The following CAST variants were observed in gnomAD, a reference collection of about 807,000 sequenced individuals.
CAST encodes calpastatin.
In CAST, 76 loss-of-function variants were observed where a neutral mutation model predicts 119.6. That is an observed-to-expected ratio of 0.64 (90% CI 0.53 to 0.77). CAST has a LOEUF of 0.77. Among genes scored for constraint, CAST ranks in the 30% least tolerant of loss-of-function variants. The pLI, the probability that CAST is intolerant of heterozygous loss-of-function variation, is 0.00. For synonymous variants in CAST, 319 were observed against 331.6 expected (o/e 0.96, Z 0.41); for missense variants, 953 against 946.5 (o/e 1.01, Z -0.09).
intron 1 of CAST, among the ~76,000 whole-genome samples, chr5:96,577,790 A>C (rs537717745): frequency 3.3e-5 from 5 of 152,166 alleles, no homozygotes; most frequent in Admixed American, 6.5e-5. Flanking sequence ...ATGGTCCAGC[A>C]TACAGTTTGT....
At chr5:96,131,289 A>G in the CAST span, among the ~76,000 whole-genome samples, 1 of 152,026 alleles carries the variant, frequency 6.6e-6, no homozygotes, top group Non-Finnish European at 1.5e-5. Flanking sequence ...GTACAGTGTG[A>G]TAGTATTTTT....
chr5:96,112,405 A>T, the CAST span, among the ~76,000 whole-genome samples: 2 of 152,300 alleles, frequency 1.3e-5, no homozygotes, highest in Admixed American at 1.3e-4. Flanking sequence ...GTAAATAAAA[A>T]ATGGAACCTA....
At chr5:96,028,059 A>T in the CAST span, among the ~76,000 whole-genome samples, 1 of 152,140 alleles carries the variant, frequency 6.6e-6, no homozygotes, top group East Asian at 1.9e-4. Context: ...TTTCTATTAC[A>T]TTAACAAGGC....
At chr5:96,479,176 C>T in the CAST span, among the ~76,000 whole-genome samples, 19 of 152,134 alleles carry the variant, frequency 1.2e-4, no homozygotes, top group African/African-American at 3.9e-4. Context: ...GCTCTTCCCA[C>T]GGCACTTGGA....
the CAST span, among the ~76,000 whole-genome samples, chr5:96,279,154 T>C: frequency 7.5e-3 from 1,141 of 152,322 alleles, 14 homozygotes; most frequent in African/African-American, 0.026. Flanking sequence ...TGAGGATCTC[T>C]GCAGGAATGG....
At chr5:96,728,696 C>A (rs1561533590) in intron 6 of CAST, 1 of 154,522 alleles carries the variant, frequency 6.5e-6, no homozygotes, top group African/African-American at 2.4e-5. Flanking sequence ...CCAGGATGGT[C>A]TTGATCTCCT....
intron 9 of CAST, among the ~76,000 whole-genome samples, chr5:96,734,082 G>A (rs1684845358): frequency 6.6e-6 from 1 of 152,178 alleles, no homozygotes; most frequent in East Asian, 1.9e-4. Context: ...AAGAGCTTTG[G>A]AAGAGTAGAT....
At chr5:96,749,956 C>T (rs1764623644) in intron 19 of CAST, among the ~76,000 whole-genome samples, 1 of 152,076 alleles carries the variant, frequency 6.6e-6, no homozygotes, top group African/African-American at 2.4e-5. Flanking sequence ...CTAGACTCTA[C>T]CCCCAAAGTT....
chr5:96,214,857 C>T, the CAST span: 5 of 152,152 alleles, frequency 3.3e-5, no homozygotes, highest in Non-Finnish European at 7.3e-5. Context: ...AAGAAAAAGT[C>T]TTTTGCTTAC....
chr5:96,132,036 C>A, the CAST span, among the ~76,000 whole-genome samples: 8 of 152,102 alleles, frequency 5.3e-5, no homozygotes, highest in African/African-American at 1.9e-4. Context: ...ATTTCTTCTA[C>A]ACACAACATA....
chr5:95,967,517 C>T, the CAST span, among the ~76,000 whole-genome samples: 3 of 152,044 alleles, frequency 2.0e-5, no homozygotes, highest in South Asian at 4.1e-4. Flanking sequence ...TCCCATAATC[C>T]CCAAATGTTG....
the CAST span, among the ~76,000 whole-genome samples, chr5:96,184,558 A>G: frequency 6.6e-6 from 1 of 151,470 alleles, no homozygotes; most frequent in African/African-American, 2.4e-5. Flanking sequence ...CCATGTGTCC[A>G]TGTGTTCTCA....
the CAST span, among the ~76,000 whole-genome samples, chr5:96,103,382 A>G: frequency 1.6e-5 from 2 of 128,550 alleles, no homozygotes; most frequent in Admixed American, 1.9e-4. Context: ...CCAGAGTGTG[A>G]TGTTCCCCTT....
chr5:96,286,441 A>G, the CAST span, among the ~76,000 whole-genome samples: 14 of 152,198 alleles, frequency 9.2e-5, no homozygotes, highest in Non-Finnish European at 2.9e-5. Context: ...GGACTCAAAG[A>G]ACAAATGTTA....
chr5:96,137,849 T>C, the CAST span, among the ~76,000 whole-genome samples: 3 of 152,116 alleles, frequency 2.0e-5, no homozygotes, highest in Non-Finnish European at 4.4e-5. Context: ...TGTTTTCCTA[T>C]TGTTGATTTT....
chr5:96,307,386 G>A, the CAST span, among the ~76,000 whole-genome samples: 47,642 of 152,032 alleles, frequency 0.31, 7,746 homozygotes, highest in Admixed American at 0.4. Flanking sequence ...GCACACAGAT[G>A]GGTCTTGACT....
At chr5:96,660,785 C>A (rs1748321749), upstream of CAST, among the ~76,000 whole-genome samples, 1 of 152,066 alleles carries the variant, frequency 6.6e-6, no homozygotes, top group South Asian at 2.1e-4. Context: ...AGACTTATGG[C>A]ATAGTTTCCC....
At chr5:96,521,353 T>A (rs530843398), upstream of CAST, among the ~76,000 whole-genome samples, 9 of 152,336 alleles carry the variant, frequency 5.9e-5, no homozygotes, top group African/African-American at 1.9e-4. Flanking sequence ...CCTTCTGGCC[T>A]CACCTTACCA....
At chr5:96,710,895 G>A (rs1755997726) in intron 3 of CAST, among the ~76,000 whole-genome samples, 1 of 151,418 alleles carries the variant, frequency 6.6e-6, no homozygotes, top group Non-Finnish European at 1.5e-5. Context: ...GTCCTCTGCT[G>A]AATATTCAGA....
Sources: allele counts gnomAD v4.1 joint callset (sites outside exome capture counted in the v4.1 genomes callset), GRCh38; gene constraint gnomAD v4.1.1; transcripts MANE v1.5; gene names NCBI Gene and HGNC (gene_info 2026-07-23, HGNC 2026-07-21).